MUC22: variants seen among roughly 807,000 people sequenced by gnomAD.
MUC22 encodes the protein mucin 22.
A neutral mutation model predicts 40.3 loss-of-function variants in MUC22; 24 were observed. That is an observed-to-expected ratio of 0.60 (90% confidence interval 0.43 to 0.84). MUC22 has a LOEUF of 0.84. Among genes scored for constraint, MUC22 ranks in the 40% least tolerant of loss-of-function variants. The probability of loss-of-function intolerance (pLI) is 0.00; values close to 1 mark genes in which losing one functional copy is unlikely to be tolerated. For synonymous variants in MUC22, 765 were observed against 844.5 expected (o/e 0.91, Z 1.63); for missense variants, 1,926 against 2,130.7 (o/e 0.90, Z 1.89).
At chr6:31,029,613 G>A (rs1362734765) in exon 2 of MUC22, 1 of 1,535,554 alleles carries the variant, frequency 6.5e-7, no homozygotes, top group Non-Finnish European at 8.7e-7. Context: ...CAGGCTCTGA[G>A]ATGACTACAG....
rs946871486 is a variant in MUC22 at position 31,027,691 on chromosome 6, G to C, written c.2260G>C (p.Asp754His). The C allele has an allele frequency of 3.9e-6, 6 of 1,532,518 alleles. 1 individual carries two copies. In the East Asian group the frequency reaches 9.8e-5, roughly 25 times the overall value. The allele number at this position is 1,532,518 out of a possible 1,614,324, so 94.9% of individuals were successfully genotyped here. The change falls in exon 2 of 4, where the codon GAC (aspartate) becomes CAC (histidine). Residue 754 changes from aspartate to histidine, a missense_variant. By Grantham distance (81) the Asp-to-His change is moderately conservative. Transcript: ENST00000561890. ...CACCACAGTCTTTACCATAGGCTCT[G>C]ACACCACCACAGCCTCTACTGAAGG...
exon 2 of MUC22, chr6:31,028,276 A>G (rs1765627621): frequency 1.3e-6 from 2 of 1,534,624 alleles, no homozygotes; most frequent in Non-Finnish European, 1.7e-6. Context: ...TACAGTCTCC[A>G]TCACAGGCTC....
chr6:31,013,195 C>T (rs4713407), intron 1 of MUC22, among the ~76,000 whole-genome samples: 12,311 of 141,616 alleles, frequency 0.087, 663 homozygotes, highest in East Asian at 0.25. Flanking sequence ...GCTGCAATCT[C>T]GGCTCACTGC....
chr6:31,016,771 C>T (rs1463120668), intron 1 of MUC22, among the ~76,000 whole-genome samples: 2 of 152,226 alleles, frequency 1.3e-5, no homozygotes, highest in Non-Finnish European at 2.9e-5. Context: ...CCAGCTCCCT[C>T]AGCTTTCAGG....
chr6:31,013,757 G>A lies in MUC22; in HGVS notation c.70+2981G>A, dbSNP rs544164088. On this transcript the variant is annotated intron_variant, in intron 1 of 3. Coordinates refer to ENST00000561890, the Ensembl canonical transcript of MUC22. Reference sequence around the variant, plus strand: ...TAGCTCACTGCAGCCTGGTACTCCCGGGCTCAAGGGATCCTCTCACCTCAG... The same window carrying A: ...TAGCTCACTGCAGCCTGGTACTCCCAGGCTCAAGGGATCCTCTCACCTCAG... Among the ~76,000 whole-genome samples the A allele has an allele frequency of 3.3e-5, 5 of 152,248 alleles. No homozygotes were observed. The South Asian group carries it at 8.3e-4, about 25-fold the overall frequency.
chr6:31,025,432 G>C (rs2150780192), intron 1 of MUC22, 70 bp from the exon 2 acceptor site: 1 of 1,405,624 alleles, frequency 7.1e-7, no homozygotes, highest in East Asian at 2.5e-5. Context: ...ATATGTGAAA[G>C]TAACACTATA....
chr6:31,019,651 C>T (rs1581621892), intron 1 of MUC22, among the ~76,000 whole-genome samples: 1 of 152,158 alleles, frequency 6.6e-6, no homozygotes, highest in Admixed American at 6.5e-5. Flanking sequence ...GTCAGGAGTT[C>T]GAGGGCAGCC....
Position 31,027,669 on chromosome 6 carries a change from CA to C in MUC22, c.2239del (p.Thr747GlnfsTer5). On this transcript the variant is annotated frameshift_variant, in exon 2 of 4. Coordinates refer to ENST00000561890, the Ensembl canonical transcript of MUC22. LOFTEE classifies it high-confidence loss of function. ...CCTCTAATACAGGCTTGGAGACCACCACAGTCTTTACCATAGGCTCTGACAC... is the reference window on the plus strand; with the variant it reads ...CCTCTAATACAGGCTTGGAGACCACCCAGTCTTTACCATAGGCTCTGACAC... 6.5e-7 allele frequency: 1 copy of C among 1,531,002 alleles called. No homozygotes were observed. Among genetic ancestry groups the C allele is most frequent in the South Asian group, 1.2e-5 (1 of 83,400 alleles). The allele number at this position is 1,531,002 out of a possible 1,614,324, so 94.8% of individuals were successfully genotyped here. A position where few individuals can be genotyped will look rare whatever the true frequency, so the allele number is the denominator to read the frequency against.
upstream of MUC22, among the ~76,000 whole-genome samples, chr6:31,008,696 C>T (rs924816861): frequency 6.6e-6 from 1 of 151,834 alleles, no homozygotes; most frequent in African/African-American, 2.4e-5. Context: ...TTACAGGCAC[C>T]CGCCACTACG....
chr6:31,025,967 C>G, exon 2 of MUC22: 1 of 1,534,460 alleles, frequency 6.5e-7, no homozygotes, highest in Non-Finnish European at 8.7e-7. Context: ...ACCATGGCCT[C>G]CACCACAGGC....
intron 1 of MUC22, among the ~76,000 whole-genome samples, chr6:31,015,747 T>C (rs541275380): frequency 2.0e-5 from 3 of 152,346 alleles, no homozygotes; most frequent in African/African-American, 7.2e-5. Context: ...ATTTCAGATT[T>C]TTAAAACTAC....
intron 1 of MUC22, among the ~76,000 whole-genome samples, chr6:31,023,825 T>A (rs1765060835): frequency 6.6e-6 from 1 of 152,154 alleles, no homozygotes; most frequent in South Asian, 2.1e-4. Context: ...AAAATAGGCT[T>A]AAGAAGAGGT....
Position 31,034,665 on chromosome 6 carries a change from C to G in MUC22, c.5056-7C>G, listed in dbSNP as rs1263236161. On this transcript the variant is annotated splice_polypyrimidine_tract_variant and splice_region_variant and intron_variant, in intron 3 of 3. Transcript: ENST00000561890. ...CATTTATCAATGTATTTATTTTTTT[C>G]TTTTAGAGAAACCTTTTCTTCCCCC... is the stretch of plus-strand genomic sequence containing the variant. The G allele has an allele frequency of 6.6e-7, 1 of 1,524,480 alleles. No homozygotes were observed. Among genetic ancestry groups the G allele is most frequent in the Admixed American group, 2.0e-5 (1 of 48,872 alleles). 94.4% of individuals were successfully genotyped at this position (1,524,480 alleles called of 1,614,324 possible).
chr6:31,029,018 C>G (rs1765752864), exon 2 of MUC22: 2 of 1,533,208 alleles, frequency 1.3e-6, no homozygotes, highest in East Asian at 2.4e-5. Context: ...TCTGAGCTCA[C>G]TACAGTTTCT....
chr6:31,025,942 A>T (rs72502536), exon 2 of MUC22: 2 of 1,534,266 alleles, frequency 1.3e-6, no homozygotes, highest in Non-Finnish European at 8.7e-7. Context: ...GGCCTCCTCC[A>T]TAATTTCTGA....
At chr6:31,015,994 C>T (rs1441440964) in intron 1 of MUC22, among the ~76,000 whole-genome samples, 2 of 151,778 alleles carry the variant, frequency 1.3e-5, no homozygotes, top group African/African-American at 2.4e-5. Context: ...TGTCTTCCAA[C>T]TCTGTCGTTT....
chr6:31,032,205 C>T lies in MUC22; in HGVS notation c.4679C>T (p.Thr1560Ile), dbSNP rs777012389. Residue 1560 changes from threonine (T) to isoleucine (I), a missense_variant, in exon 3 of 4, where the codon ACC becomes ATC. By Grantham distance (89) the Thr-to-Ile change is moderately conservative. Coordinates refer to ENST00000561890, the Ensembl canonical transcript of MUC22. This position sits in a 1 kb window ranked among gnomAD's most constrained non-coding sequence, Gnocchi z 4.1. ...GTGACCTGTTTCATAGGCACCAGAA[C>T]CACTGGAACCAGACTCACTGCCTCC... is the stretch of plus-strand genomic sequence containing the variant. The T allele has an allele frequency of 7.5e-5, 115 of 1,533,438 alleles. No homozygotes were observed. Among genetic ancestry groups the T allele is most frequent in the Non-Finnish European group, 9.9e-5 (114 of 1,145,852 alleles). The allele number at this position is 1,533,438 out of a possible 1,614,324, so 95.0% of individuals were successfully genotyped here. A position where few individuals can be genotyped will look rare whatever the true frequency, so the allele number is the denominator to read the frequency against.
At chr6:31,013,259 T>C (rs1445231798) in intron 1 of MUC22, among the ~76,000 whole-genome samples, 1 of 151,780 alleles carries the variant, frequency 6.6e-6, no homozygotes, top group African/African-American at 2.4e-5. Context: ...CCTGAGTAGC[T>C]GGGACTACAG....
intron 1 of MUC22, 139 bp downstream of exon 1, chr6:31,010,915 A>G (rs1260451795): frequency 5.1e-6 from 3 of 582,906 alleles, no homozygotes; most frequent in East Asian, 2.8e-5. Context: ...TTTTTTGCCC[A>G]TTTCTGCAAA....
Sources: allele counts gnomAD v4.1 joint callset (sites outside exome capture counted in the v4.1 genomes callset), GRCh38; gene constraint gnomAD v4.1.1; non-coding constraint Gnocchi (gnomAD v3.1); transcripts MANE v1.5; gene names NCBI Gene and HGNC (gene_info 2026-07-23, HGNC 2026-07-21).